Variants in MARCHF6 observed in about 807,000 individuals in gnomAD.
The protein encoded by MARCHF6 is membrane associated ring-CH-type finger 6.
MARCHF6 carries 31 observed loss-of-function variants against 133.7 expected under a neutral mutation model. The observed-to-expected ratio is 0.23, with a 90% confidence interval of 0.17 to 0.31. MARCHF6 has a LOEUF of 0.31. MARCHF6 is among the 10% of genes least tolerant of loss of function. The pLI, the probability that MARCHF6 is intolerant of heterozygous loss-of-function variation, is 1.00. For missense variants in MARCHF6, 723 were observed against 1,121.6 expected (o/e 0.64, Z 5.08); for synonymous variants, 395 against 402.5 (o/e 0.98, Z 0.22).
intron 5 of MARCHF6, among the ~76,000 whole-genome samples, chr5:10,389,022 C>T (rs1160043795): frequency 1.3e-5 from 2 of 152,148 alleles, no homozygotes; most frequent in Non-Finnish European, 2.9e-5. Flanking sequence ...ATATTGCAGA[C>T]TATATTTTCC....
In MARCHF6 at chr5:10,440,194, T is replaced by C. The variant is rs914597996; in HGVS notation, c.*6510T>C. On this transcript the variant is annotated 3_prime_UTR_variant, in exon 26 of 26. Transcript: ENST00000274140. ...TCCCAGAACAATTCCCTGGCAAATA[T>C]TTGGTACTCAATAGTAATGCTAAGT... 3.3e-5 allele frequency: 5 copies of C among 152,244 alleles called. No individual in the cohort carries two copies. Among genetic ancestry groups the C allele is most frequent in the Admixed American group, 1.3e-4 (2 of 15,282 alleles). 9.4% of individuals were successfully genotyped at this position (152,244 alleles called of 1,614,324 possible).
At position 10,436,103 on chromosome 5, in the gene MARCHF6, G is replaced by C. The variant is rs1313265679; in HGVS notation, c.*2419G>C. The C allele has an allele frequency of 6.6e-6, 1 of 151,980 alleles. No individual in the cohort carries two copies. Among genetic ancestry groups the C allele is most frequent in the Non-Finnish European group, 1.5e-5 (1 of 68,050 alleles). The allele number at this position is 151,980 out of a possible 1,614,324, so 9.4% of individuals were successfully genotyped here. A position where few individuals can be genotyped will look rare whatever the true frequency, so the allele number is the denominator to read the frequency against. ...AAGAATTTGTGGATCTTGGTATAAAGTCATTGGAACATATCTGTTTTAACA... is the reference window on the plus strand; with the variant it reads ...AAGAATTTGTGGATCTTGGTATAAACTCATTGGAACATATCTGTTTTAACA... On this transcript the variant is annotated 3_prime_UTR_variant, in exon 26 of 26. Coordinates refer to ENST00000274140, the MANE Select transcript of MARCHF6 (RefSeq NM_005885.4).
chr5:10,387,435 T>C (rs563374785), intron 5 of MARCHF6, among the ~76,000 whole-genome samples: 50 of 152,018 alleles, frequency 3.3e-4, no homozygotes, highest in Admixed American at 2.1e-3. Context: ...CCAGAGTAGC[T>C]GGGATTACAG....
chr5:10,433,493 C>T, intron 25 of MARCHF6, 101 bp from the exon 26 acceptor site: 1 of 855,114 alleles, frequency 1.2e-6, no homozygotes, highest in Non-Finnish European at 2.0e-6. Context: ...CTTGCCCAAC[C>T]ATTGACGAGT....
intron 24 of MARCHF6, among the ~76,000 whole-genome samples, chr5:10,427,922 T>G (rs1740174475): frequency 6.6e-6 from 1 of 151,982 alleles, no homozygotes; most frequent in African/African-American, 2.4e-5. Flanking sequence ...AAAAATAAAT[T>G]ATCTGGGAGT....
At chr5:10,391,794 G>A (rs1737863960) in intron 7 of MARCHF6, 63 bp downstream of exon 7, 1 of 1,377,848 alleles carries the variant, frequency 7.3e-7, no homozygotes, top group Admixed American at 2.8e-5. Flanking sequence ...CTTGCATTGA[G>A]GAAAAGGGCT....
At chr5:10,397,876 T>G (rs1738282918) in intron 10 of MARCHF6, among the ~76,000 whole-genome samples, 1 of 152,174 alleles carries the variant, frequency 6.6e-6, no homozygotes, top group Non-Finnish European at 1.5e-5. Context: ...CTGTGAGGAT[T>G]CTTTGACAGC....
chr5:10,435,666 TATATATATATATATATATATATATA>T lies in MARCHF6; in HGVS notation c.*1983_*2007del, dbSNP rs1740604283. 2 of 12,090 alleles carry T rather than the reference TATATATATATATATATATATATATA, an allele frequency of 1.7e-4. No homozygotes were observed. The highest frequency in any genetic ancestry group is 4.9e-4 in the African/African-American group (1 of 2,028). The allele number at this position is 12,090 out of a possible 1,614,324, so 0.7% of individuals were successfully genotyped here. ...ATATATATATATATATATATATATA[TATATATATATATATATATATATATA>T]TATATATTTTTTTTTTTTTTTTTTT... is the stretch of plus-strand genomic sequence containing the variant. On this transcript the variant is annotated 3_prime_UTR_variant, in exon 26 of 26. Coordinates refer to ENST00000274140, the MANE Select transcript of MARCHF6 (RefSeq NM_005885.4).
At chr5:10,432,618 C>G (rs936538135) in intron 25 of MARCHF6, among the ~76,000 whole-genome samples, 1 of 152,270 alleles carries the variant, frequency 6.6e-6, no homozygotes, top group Non-Finnish European at 1.5e-5. Flanking sequence ...TTGGAGATGT[C>G]TGTCTCCTTG....
chr5:10,380,228 A>G (rs1461943136), intron 3 of MARCHF6, among the ~76,000 whole-genome samples: 1 of 150,458 alleles, frequency 6.6e-6, no homozygotes, highest in Admixed American at 6.6e-5. Flanking sequence ...AAATGCTGTA[A>G]CTTAGTGTTT....
In MARCHF6 at chr5:10,416,972, T is replaced by C. The variant is rs536305684; in HGVS notation, c.2149-298T>C. Among the ~76,000 whole-genome samples the C allele has an allele frequency of 5.9e-5, 9 of 152,304 alleles. 1 individual carries two copies. Among genetic ancestry groups the C allele is most frequent in the Admixed American group, 5.9e-4 (9 of 15,308 alleles). On this transcript the variant is annotated intron_variant, in intron 21 of 25. Transcript: ENST00000274140. Reference sequence around the variant, plus strand: ...ACCTCAAAGTTCACAGATCAGCCTGTGTATGGGTGGGCCACCGTTGGAGCA... The same window carrying C: ...ACCTCAAAGTTCACAGATCAGCCTGCGTATGGGTGGGCCACCGTTGGAGCA...
chr5:10,363,167 T>G lies in MARCHF6; in HGVS notation c.19+9250T>G, dbSNP rs551698892. Among the ~76,000 whole-genome samples the G allele has an allele frequency of 2.6e-5, 4 of 152,232 alleles. No individual in the cohort carries two copies. The East Asian group carries it at 5.8e-4, about 22-fold the overall frequency. ...CTTAGGTATGACTCCAAAAGCATGA[T>G]CCATAAAAGAAGTGGATAAATCAGA... On this transcript the variant is annotated intron_variant, in intron 1 of 25. Transcript: ENST00000274140.
chr5:10,410,272 T>A lies in MARCHF6; in HGVS notation c.1687T>A (p.Leu563Met), dbSNP rs1406422386. The A allele has an allele frequency of 1.9e-6, 3 of 1,612,560 alleles. No homozygotes were observed. Among genetic ancestry groups the A allele is most frequent in the Non-Finnish European group, 2.5e-6 (3 of 1,179,888 alleles). ...VRAWTVTAGYLLDLHSYLLGD... is the reference protein window; with the variant it reads ...VRAWTVTAGYMLDLHSYLLGD... ...AGCGTGGACTGTGACCGCCGGATAC[T>A]TGCTGTGAGTATGGGCAGCTGACTC... is the stretch of plus-strand genomic sequence containing the variant. Residue 563 changes from leucine to methionine, a missense_variant, in exon 18 of 26, where the codon TTG (leucine) becomes ATG (methionine). Physicochemically the swap from Leu to Met is conservative, Grantham distance 15 (BLOSUM62 2). This residue lies in a region of MARCHF6 where 492 missense variants were observed against 699.5 expected (regional missense o/e 0.70). Coordinates refer to ENST00000274140, the MANE Select transcript of MARCHF6 (RefSeq NM_005885.4).
rs1740614049 is a variant in MARCHF6, at chr5:10,435,677, ATATATATATATATATATATATTTTTTT to A, written c.*1995_*2021del. ...TATATATATATATATATATATATAT[ATATATATATATATATATATATTTTTTT>A]TTTTTTTTTTTTTTTTTTTTTTTTG... On this transcript the variant is annotated 3_prime_UTR_variant, in exon 26 of 26. Coordinates refer to ENST00000274140, the MANE Select transcript of MARCHF6 (RefSeq NM_005885.4). 1 of 5,832 alleles carries A rather than the reference ATATATATATATATATATATATTTTTTT, an allele frequency of 1.7e-4. No homozygotes were observed. The highest frequency in any genetic ancestry group is 2.7e-4 in the Non-Finnish European group (1 of 3,714). The allele number at this position is 5,832 out of a possible 1,614,324, so 0.4% of individuals were successfully genotyped here. A position where few individuals can be genotyped will look rare whatever the true frequency, so the allele number is the denominator to read the frequency against.
At chr5:10,359,724 G>A (rs1463281086) in intron 1 of MARCHF6, among the ~76,000 whole-genome samples, 2 of 152,146 alleles carry the variant, frequency 1.3e-5, no homozygotes, top group African/African-American at 4.8e-5. Flanking sequence ...TAATACAAAG[G>A]CTGGGTGCGG....
At chr5:10,369,844 G>A (rs1736362086) in intron 1 of MARCHF6, among the ~76,000 whole-genome samples, 1 of 152,038 alleles carries the variant, frequency 6.6e-6, no homozygotes, top group Admixed American at 6.6e-5. Context: ...TTATTGCTTA[G>A]TATTTTATTG....
intron 18 of MARCHF6, among the ~76,000 whole-genome samples, chr5:10,411,031 CTTGT>C (rs1739199165): frequency 6.9e-6 from 1 of 144,334 alleles, no homozygotes; most frequent in Non-Finnish European, 1.5e-5. Flanking sequence ...TACAAGTGTA[CTTGT>C]AAGTATCTTG....
chr5:10,430,553 C>T (rs1387907297), intron 25 of MARCHF6, among the ~76,000 whole-genome samples: 3 of 152,074 alleles, frequency 2.0e-5, no homozygotes, highest in Admixed American at 6.6e-5. Context: ...ATCCACCTGC[C>T]TTGGCCTCCC....
At chr5:10,414,833 G>A (rs530173448) in intron 20 of MARCHF6, among the ~76,000 whole-genome samples, 6 of 152,214 alleles carry the variant, frequency 3.9e-5, no homozygotes, top group Non-Finnish European at 7.3e-5. Flanking sequence ...CCAAGTGATT[G>A]TTGTGGGATG....
Sources: gnomAD v4.1 joint callset for allele counts (sites outside exome capture counted in the v4.1 genomes callset) on GRCh38, gnomAD v4.1.1 for gene constraint, gnomAD v4.1.1 regional missense constraint, MANE v1.5 for transcripts, NCBI Gene and HGNC (gene_info 2026-07-23, HGNC 2026-07-21) for gene names.